The following CIB1 variants were observed in gnomAD, a reference collection of about 807,000 sequenced individuals.
CIB1 encodes the protein calcium and integrin binding 1, also known as calcium and integrin-binding protein 1.
In CIB1, 19 loss-of-function variants were observed where a neutral mutation model predicts 25.0. That is an observed-to-expected ratio of 0.76 (90% CI 0.53 to 1.12). The LOEUF (loss-of-function observed/expected upper bound fraction) is 1.12. Among genes scored for constraint, CIB1 ranks in the 50% most tolerant of loss-of-function variants. The probability of loss-of-function intolerance (pLI) is 0.00; values close to 1 mark genes in which losing one functional copy is unlikely to be tolerated. For synonymous variants in CIB1, 104 were observed against 98.5 expected, an observed-to-expected ratio of 1.06 and a Z score of -0.33; for missense variants, 236 against 242.6, an observed-to-expected ratio of 0.97 and a Z score of 0.18.
chr15:90,240,465 G>A, the CIB1 span, among the ~76,000 whole-genome samples: 1 of 149,324 alleles, frequency 6.7e-6, no homozygotes, highest in Non-Finnish European at 1.5e-5. Context: ...CCAAGATCGC[G>A]CCACTGCCCT....
chr15:90,248,716 C>T, the CIB1 span, among the ~76,000 whole-genome samples: 1 of 30,510 alleles, frequency 3.3e-5, no homozygotes, highest in Admixed American at 6.1e-4. Flanking sequence ...AAGACCCTGT[C>T]TCAAAAAAAA....
the CIB1 span, chr15:90,253,379 C>G: frequency 6.2e-7 from 1 of 1,603,128 alleles, no homozygotes. Flanking sequence ...TACCCATCTC[C>G]TGACCTGAGA....
the CIB1 span, chr15:90,257,987 C>T: frequency 1.3e-6 from 2 of 1,562,884 alleles, no homozygotes; most frequent in Non-Finnish European, 8.8e-7. Context: ...TGCCTACAGC[C>T]TGGCCCAGTG....
At chr15:90,251,280 A>ATTTTTTTT in the CIB1 span, among the ~76,000 whole-genome samples, 201 of 109,474 alleles carry the variant, frequency 1.8e-3, 10 homozygotes, top group East Asian at 0.011. Flanking sequence ...CGCATGGCAA[A>ATTTTTTTT]TTTTTTTTTT....
chr15:90,259,558 C>A, the CIB1 span, among the ~76,000 whole-genome samples: 1 of 152,246 alleles, frequency 6.6e-6, no homozygotes, highest in South Asian at 2.1e-4. Context: ...TGTATTTATA[C>A]AAAATATTTT....
chr15:90,257,133 C>T, the CIB1 span: 5 of 1,612,344 alleles, frequency 3.1e-6, no homozygotes, highest in African/African-American at 1.3e-5. Context: ...TTTGCATGCT[C>T]CCAGCCCCTC....
the CIB1 span, among the ~76,000 whole-genome samples, chr15:90,239,280 ATAGT>A: frequency 1.3e-5 from 2 of 151,050 alleles, no homozygotes; most frequent in African/African-American, 4.9e-5. Flanking sequence ...GAAAGAAAAA[ATAGT>A]TGATCTATAT....
At chr15:90,257,810 G>T in the CIB1 span, 1 of 1,335,786 alleles carries the variant, frequency 7.5e-7, no homozygotes, top group Non-Finnish European at 1.1e-6. Context: ...CTCTTGGGAG[G>T]CTAATTGCCC....
At chr15:90,241,137 C>T in the CIB1 span, 54 of 1,614,014 alleles carry the variant, frequency 3.3e-5, 1 homozygote, top group Admixed American at 3.3e-4. Context: ...GGGGCTGTTT[C>T]GCTACCGTCT....
At chr15:90,251,114 C>CTTTT in the CIB1 span, among the ~76,000 whole-genome samples, 22 of 104,666 alleles carry the variant, frequency 2.1e-4, no homozygotes, top group Non-Finnish European at 3.7e-4. Flanking sequence ...CCTGGTCTGT[C>CTTTT]TTTTTTTTTT....
chr15:90,253,374 A>G, the CIB1 span: 2 of 1,606,630 alleles, frequency 1.2e-6, no homozygotes, highest in South Asian at 1.1e-5. Context: ...TCAGGTACCC[A>G]TCTCCTGACC....
At chr15:90,265,578 T>A in the CIB1 span, 1 of 1,401,930 alleles carries the variant, frequency 7.1e-7, no homozygotes, top group South Asian at 1.4e-5. Context: ...TGAGCCCAGA[T>A]CTTACCCCCA....
intron 6 of CIB1, 92 bp from the exon 7 acceptor site, chr15:90,230,597 T>G (rs971166289): frequency 1.5e-6 from 2 of 1,350,574 alleles, no homozygotes; most frequent in African/African-American, 2.9e-5. Flanking sequence ...GACCCTTCTT[T>G]GGAACGGGCT....
At chr15:90,256,200 C>T in the CIB1 span, 2 of 1,614,184 alleles carry the variant, frequency 1.2e-6, no homozygotes, top group Non-Finnish European at 1.7e-6. Flanking sequence ...ATCTGCAAGC[C>T]AGACAGTGGC....
At chr15:90,242,232 C>G in the CIB1 span, 5 of 370,836 alleles carry the variant, frequency 1.3e-5, no homozygotes, top group South Asian at 1.3e-4. Context: ...AGACTATAGG[C>G]GTGCACCACC....
At chr15:90,241,400 G>T in the CIB1 span, 2,395 of 1,613,834 alleles carry the variant, frequency 1.5e-3, 8 homozygotes, top group Middle Eastern at 2.0e-3. Flanking sequence ...CCCTGGAGTG[G>T]GGCCACGTGC....
At chr15:90,241,641 CA>C in the CIB1 span, 1 of 1,614,202 alleles carries the variant, frequency 6.2e-7, no homozygotes, top group Middle Eastern at 1.7e-4. Context: ...AGGCCATTTG[CA>C]TCTGCTCCAG....
chr15:90,244,286 A>G, the CIB1 span: 2 of 152,160 alleles, frequency 1.3e-5, no homozygotes, highest in Non-Finnish European at 2.9e-5. Context: ...GTCTTTCCCA[A>G]GCACTTTAGA....
the CIB1 span, among the ~76,000 whole-genome samples, chr15:90,254,089 C>T: frequency 6.6e-6 from 1 of 152,022 alleles, no homozygotes; most frequent in South Asian, 2.1e-4. Context: ...GCAGGTGGAT[C>T]AATTCAGGTC....
Sources: allele counts gnomAD v4.1 joint callset (sites outside exome capture counted in the v4.1 genomes callset), GRCh38; gene constraint gnomAD v4.1.1; transcripts MANE v1.5; gene names NCBI Gene and HGNC (gene_info 2026-07-23, HGNC 2026-07-21).